DLGAP2: variants seen among roughly 807,000 people sequenced by gnomAD.
DLGAP2 encodes DLG associated protein 2, also known as disks large-associated protein 2.
In DLGAP2, 26 loss-of-function variants were observed where a neutral mutation model predicts 100.3. The ratio of observed to expected loss-of-function variants is 0.26; its 90% confidence interval spans 0.19 to 0.36. The LOEUF is 0.36. Among genes scored for constraint, DLGAP2 ranks in the 10% least tolerant of loss-of-function variants. The pLI, the probability that DLGAP2 is intolerant of heterozygous loss-of-function variation, is 1.00. For synonymous variants in DLGAP2, 886 were observed against 630.1 expected, an observed-to-expected ratio of 1.41 and a Z score of -6.08; for missense variants, 1,858 against 1,453.2, an observed-to-expected ratio of 1.28 and a Z score of -4.53.
intron 1 of DLGAP2, among the ~76,000 whole-genome samples, chr8:887,795 G>T (rs999782355): frequency 6.6e-6 from 1 of 152,128 alleles, no homozygotes; most frequent in Non-Finnish European, 1.5e-5. Flanking sequence ...CTGTCTGGCT[G>T]CCCTTAACGT....
chr8:1,289,639 A>G (rs11998543), intron 3 of DLGAP2, among the ~76,000 whole-genome samples: 40,942 of 152,082 alleles, frequency 0.27, 5,621 homozygotes, highest in South Asian at 0.37. Flanking sequence ...GTTCCTACAT[A>G]GTCCCTGCTG....
chr8:1,234,042 C>G (rs576361066), intron 2 of DLGAP2, among the ~76,000 whole-genome samples: 1 of 152,270 alleles, frequency 6.6e-6, no homozygotes. Flanking sequence ...TATTGAAAGG[C>G]CCAGGTGAAT....
intron 2 of DLGAP2, among the ~76,000 whole-genome samples, chr8:1,231,231 G>A (rs886823383): frequency 9.2e-5 from 14 of 152,002 alleles, no homozygotes; most frequent in African/African-American, 3.1e-4. Context: ...AAAAACCCAC[G>A]AAAAAATGCT....
At chr8:1,418,302 A>C (rs1242166239) in intron 3 of DLGAP2, among the ~76,000 whole-genome samples, 2 of 152,234 alleles carry the variant, frequency 1.3e-5, no homozygotes, top group African/African-American at 2.4e-5. Flanking sequence ...AAAATTAAAC[A>C]GCTTCACTTT....
At chr8:803,286 T>A (rs966931255) in intron 1 of DLGAP2, among the ~76,000 whole-genome samples, 1 of 152,254 alleles carries the variant, frequency 6.6e-6, no homozygotes, top group African/African-American at 2.4e-5. Context: ...CCCCATTTTA[T>A]CTCTGCCTCT....
intron 2 of DLGAP2, among the ~76,000 whole-genome samples, chr8:1,216,125 G>C (rs1798207843): frequency 6.6e-6 from 1 of 152,140 alleles, no homozygotes; most frequent in African/African-American, 2.4e-5. Flanking sequence ...AGTTGTAAAG[G>C]GTGTGTCTAG....
chr8:1,268,593 C>T (rs571696021), intron 3 of DLGAP2, among the ~76,000 whole-genome samples: 9 of 152,122 alleles, frequency 5.9e-5, no homozygotes, highest in East Asian at 1.9e-4. Context: ...AACATCTTTC[C>T]GCTGATCTGC....
At chr8:1,354,405 C>A (rs548466945) in intron 3 of DLGAP2, among the ~76,000 whole-genome samples, 1 of 152,036 alleles carries the variant, frequency 6.6e-6, no homozygotes, top group African/African-American at 2.4e-5. Flanking sequence ...CCCAGCTACT[C>A]GGGAGACTGA....
intron 2 of DLGAP2, among the ~76,000 whole-genome samples, chr8:1,245,701 C>G (rs1244388335): frequency 1.3e-5 from 2 of 152,126 alleles, no homozygotes; most frequent in Admixed American, 6.5e-5. Context: ...GAGCTGTGCA[C>G]TTTCAGTGGG....
chr8:1,167,363 C>T (rs993589965), intron 2 of DLGAP2, among the ~76,000 whole-genome samples: 3 of 152,124 alleles, frequency 2.0e-5, no homozygotes, highest in Non-Finnish European at 2.9e-5. Flanking sequence ...GTGTACCTCA[C>T]AGGGAGTTGC....
At chr8:1,595,990 T>C (rs1352371969) in intron 6 of DLGAP2, among the ~76,000 whole-genome samples, 7 of 152,030 alleles carry the variant, frequency 4.6e-5, no homozygotes, top group Non-Finnish European at 1.0e-4. Flanking sequence ...TCATTTAGCA[T>C]TAGGTGTAAC....
At chr8:1,651,007 C>T (rs897918518) in intron 8 of DLGAP2, among the ~76,000 whole-genome samples, 2 of 152,140 alleles carry the variant, frequency 1.3e-5, no homozygotes, top group Non-Finnish European at 2.9e-5. Context: ...GCATCTACCA[C>T]CAAGAAAACC....
chr8:1,262,891 C>T (rs1348552096), intron 3 of DLGAP2, among the ~76,000 whole-genome samples: 1 of 145,002 alleles, frequency 6.9e-6, no homozygotes, highest in Non-Finnish European at 1.5e-5. Flanking sequence ...GATGTCAGTT[C>T]ATGGATTTGT....
At chr8:1,325,560 A>C (rs951901237) in intron 3 of DLGAP2, among the ~76,000 whole-genome samples, 2 of 152,200 alleles carry the variant, frequency 1.3e-5, no homozygotes, top group African/African-American at 4.8e-5. Flanking sequence ...AAATCTAGTT[A>C]ACGTTTGCTT....
At chr8:1,529,289 A>G (rs1800903635) in intron 4 of DLGAP2, among the ~76,000 whole-genome samples, 1 of 152,228 alleles carries the variant, frequency 6.6e-6, no homozygotes, top group South Asian at 2.1e-4. Flanking sequence ...TGGGGGATAC[A>G]GCCCCCAGGA....
At chr8:1,331,085 C>T (rs955771630) in intron 3 of DLGAP2, among the ~76,000 whole-genome samples, 1 of 152,210 alleles carries the variant, frequency 6.6e-6, no homozygotes, top group Non-Finnish European at 1.5e-5. Context: ...CTGCTCCTAG[C>T]TGGCTTAGCT....
At chr8:1,146,094 C>A (rs575329771) in intron 2 of DLGAP2, among the ~76,000 whole-genome samples, 1 of 152,302 alleles carries the variant, frequency 6.6e-6, no homozygotes, top group East Asian at 1.9e-4. Flanking sequence ...ACTCCACCAA[C>A]CCACACACCC....
intron 2 of DLGAP2, among the ~76,000 whole-genome samples, chr8:1,169,535 G>C (rs1396502869): frequency 3.3e-5 from 5 of 152,118 alleles, no homozygotes. Flanking sequence ...TCTTCCATTT[G>C]TTTGTATCCT....
chr8:1,240,239 C>T (rs187725070), intron 2 of DLGAP2, among the ~76,000 whole-genome samples: 13 of 51,164 alleles, frequency 2.5e-4, no homozygotes, highest in East Asian at 1.1e-3. Context: ...TCTCACATGG[C>T]GCCGTGTCTA....
Sources: allele counts gnomAD v4.1 joint callset (sites outside exome capture counted in the v4.1 genomes callset), GRCh38; gene constraint gnomAD v4.1.1; transcripts MANE v1.5; gene names NCBI Gene and HGNC (gene_info 2026-07-23, HGNC 2026-07-21).